The following KIF16B variants were observed in gnomAD, a reference collection of about 807,000 sequenced individuals.
KIF16B encodes the protein kinesin-like protein KIF16B.
Under a neutral mutation model 156.3 loss-of-function variants are expected in KIF16B, and 98 were observed. The ratio of observed to expected loss-of-function variants is 0.63; its 90% CI spans 0.53 to 0.74. The LOEUF is 0.74. KIF16B is among the 30% of genes least tolerant of loss of function. The pLI is 0.00. For synonymous variants in KIF16B, 564 were observed against 583.7 expected, an observed-to-expected ratio of 0.97 and a Z score of 0.49; for missense variants, 1,421 against 1,606.5, an observed-to-expected ratio of 0.88 and a Z score of 1.97.
intron 1 of KIF16B, among the ~76,000 whole-genome samples, chr20:16,565,474 A>T (rs1304138154): frequency 6.6e-6 from 1 of 152,206 alleles, no homozygotes; most frequent in African/African-American, 2.4e-5. Context: ...TCCCTGGACC[A>T]CACTTGGAGA....
chr20:16,419,366 T>C (rs1248842475), intron 15 of KIF16B, among the ~76,000 whole-genome samples: 1 of 152,172 alleles, frequency 6.6e-6, no homozygotes, highest in Non-Finnish European at 1.5e-5. Context: ...ACGGGATACC[T>C]TGGCTAAACC....
chr20:16,310,835 C>T (rs747682468), intron 25 of KIF16B, among the ~76,000 whole-genome samples: 8 of 152,192 alleles, frequency 5.3e-5, no homozygotes, highest in Non-Finnish European at 1.2e-4. Context: ...TGTAGTCTAA[C>T]TCAAATGCCT....
chr20:16,569,865 A>G (rs985975266), intron 1 of KIF16B, among the ~76,000 whole-genome samples: 3 of 152,208 alleles, frequency 2.0e-5, no homozygotes, highest in African/African-American at 4.8e-5. Context: ...AAAAACAAAC[A>G]GTAAAAAAAA....
chr20:16,564,465 G>C (rs1053988432), intron 1 of KIF16B, among the ~76,000 whole-genome samples: 5 of 151,920 alleles, frequency 3.3e-5, no homozygotes, highest in African/African-American at 1.2e-4. Flanking sequence ...TGAACAATGA[G>C]AACACTTGGA....
At chr20:16,455,958 A>T (rs2146639068) in intron 12 of KIF16B, among the ~76,000 whole-genome samples, 1 of 152,302 alleles carries the variant, frequency 6.6e-6, no homozygotes, top group Non-Finnish European at 1.5e-5. Context: ...ACGGGTTCTC[A>T]CAGAGCCACA....
chr20:16,504,360 G>T lies in KIF16B; in HGVS notation c.1176+12C>A. ...CAAAGAAAATTATCCATAAATCTCA[G>T]AAAAACCCAACCTGATTCCCTTGAG... is the stretch of plus-strand genomic sequence containing the variant. On this transcript the variant is annotated intron_variant, in intron 10 of 25. Transcript: ENST00000354981. 1 of 1,612,086 alleles carries T rather than the reference G, an allele frequency of 6.2e-7. No individual in the cohort carries two copies. The highest frequency in any genetic ancestry group is 8.5e-7 in the Non-Finnish European group (1 of 1,178,742).
At chr20:16,451,689 T>C (rs763794624) in intron 12 of KIF16B, among the ~76,000 whole-genome samples, 4 of 152,200 alleles carry the variant, frequency 2.6e-5, no homozygotes, top group Non-Finnish European at 5.9e-5. Flanking sequence ...TTCGTATTCA[T>C]GTCACCCTAT....
intron 12 of KIF16B, among the ~76,000 whole-genome samples, chr20:16,474,659 G>T (rs1173034496): frequency 1.3e-5 from 2 of 152,126 alleles, no homozygotes; most frequent in African/African-American, 2.4e-5. Flanking sequence ...CATTTTTCCT[G>T]ACAAATTTTA....
At position 16,356,325 on chromosome 20, in the gene KIF16B, C is replaced by T. The variant is rs2064440878; in HGVS notation, c.3621+5G>A. 2 of 1,614,010 alleles carry T rather than the reference C, an allele frequency of 1.2e-6. No homozygotes were observed. Among genetic ancestry groups the T allele is most frequent in the African/African-American group, 1.3e-5 (1 of 74,946 alleles). ...ATTCTCCAGAAGAGTCAAGAAGACACTCACCTTGACCTCAAACTCGAAGTG... is the reference window on the plus strand; with the variant it reads ...ATTCTCCAGAAGAGTCAAGAAGACATTCACCTTGACCTCAAACTCGAAGTG... On this transcript the variant is annotated splice_donor_5th_base_variant and intron_variant, in intron 23 of 25. Coordinates refer to ENST00000354981, the MANE Select transcript of KIF16B (RefSeq NM_024704.5).
At chr20:16,351,044 C>A (rs971416720) in intron 23 of KIF16B, among the ~76,000 whole-genome samples, 1 of 152,062 alleles carries the variant, frequency 6.6e-6, no homozygotes. Context: ...AAGGGGAGTA[C>A]CCCTGGTGAC....
At chr20:16,524,770 C>T (rs564756637) in intron 3 of KIF16B, among the ~76,000 whole-genome samples, 2 of 152,252 alleles carry the variant, frequency 1.3e-5, no homozygotes, top group African/African-American at 4.8e-5. Context: ...AGACTTGGAA[C>T]CAACCCGAAT....
intron 12 of KIF16B, among the ~76,000 whole-genome samples, chr20:16,436,167 A>T (rs953621948): frequency 2.0e-5 from 3 of 152,020 alleles, no homozygotes; most frequent in Non-Finnish European, 2.9e-5. Flanking sequence ...GCTTAGGCGT[A>T]TCTGTGCAAA....
intron 16 of KIF16B, 114 bp downstream of exon 16, chr20:16,406,260 C>T (rs1194689200): frequency 1.2e-6 from 1 of 842,896 alleles, no homozygotes; most frequent in Non-Finnish European, 2.0e-6. Context: ...CACAGAACTA[C>T]TTTTCCACGG....
At chr20:16,414,433 G>A (rs1406018334) in intron 15 of KIF16B, among the ~76,000 whole-genome samples, 6 of 152,102 alleles carry the variant, frequency 3.9e-5, no homozygotes, top group East Asian at 1.9e-4. Flanking sequence ...AAAAAGCTAC[G>A]TTGACCTTGT....
chr20:16,294,914 C>T (rs892193676), intron 25 of KIF16B, among the ~76,000 whole-genome samples: 3 of 152,134 alleles, frequency 2.0e-5, no homozygotes, highest in Non-Finnish European at 4.4e-5. Flanking sequence ...ATCTTTTGCT[C>T]CTGGCCTCAG....
chr20:16,475,566 A>G (rs1271640588), intron 12 of KIF16B, among the ~76,000 whole-genome samples: 1 of 152,230 alleles, frequency 6.6e-6, no homozygotes, highest in Non-Finnish European at 1.5e-5. Context: ...TCAGCCGGGA[A>G]CCAACGCAGA....
chr20:16,449,034 T>C (rs1234314395), intron 12 of KIF16B, among the ~76,000 whole-genome samples: 1 of 151,862 alleles, frequency 6.6e-6, no homozygotes, highest in Non-Finnish European at 1.5e-5. Flanking sequence ...AGTCATAGAA[T>C]GAAAGTGTCA....
intron 12 of KIF16B, among the ~76,000 whole-genome samples, chr20:16,438,622 C>G (rs2066711712): frequency 6.6e-6 from 1 of 152,094 alleles, no homozygotes. Context: ...AAAGGAGAAA[C>G]AGTCACCAAG....
intron 24 of KIF16B, among the ~76,000 whole-genome samples, chr20:16,322,628 T>C (rs1156946938): frequency 6.6e-6 from 1 of 151,996 alleles, no homozygotes; most frequent in Admixed American, 6.6e-5. Context: ...AATTTTCATC[T>C]ATAAGTTGAT....
Sources: allele counts gnomAD v4.1 joint callset (sites outside exome capture counted in the v4.1 genomes callset), GRCh38; gene constraint gnomAD v4.1.1; transcripts MANE v1.5; gene names NCBI Gene and HGNC (gene_info 2026-07-23, HGNC 2026-07-21).